PTPN4: variants seen among roughly 807,000 people sequenced by gnomAD.
The protein encoded by PTPN4 is tyrosine-protein phosphatase non-receptor type 4.
A neutral mutation model predicts 135.5 loss-of-function variants in PTPN4; 49 were observed. The observed-to-expected ratio is 0.36, with a 90% CI of 0.29 to 0.46. PTPN4 has a LOEUF of 0.46. Ranked by LOEUF, PTPN4 falls within the 20% of genes least tolerant of loss-of-function variation. The pLI is 1.00. For synonymous variants in PTPN4, 333 were observed against 369.9 expected (o/e 0.90, Z 1.14); for missense variants, 860 against 1,101.0 (o/e 0.78, Z 3.10).
intron 12 of PTPN4, among the ~76,000 whole-genome samples, chr2:119,925,199 G>C (rs1678804076): frequency 1.3e-5 from 2 of 152,060 alleles, no homozygotes; most frequent in African/African-American, 4.8e-5. Context: ...TATTAAAGCA[G>C]CTGCCAGCAG....
intron 1 of PTPN4, among the ~76,000 whole-genome samples, chr2:119,772,455 C>T (rs1378769680): frequency 6.6e-6 from 1 of 152,234 alleles, no homozygotes; most frequent in Non-Finnish European, 1.5e-5. Context: ...GGCAACCAAA[C>T]TTGACTTATA....
intron 3 of PTPN4, among the ~76,000 whole-genome samples, chr2:119,870,150 T>C (rs1373851213): frequency 6.6e-6 from 1 of 152,364 alleles, no homozygotes; most frequent in Admixed American, 6.5e-5. Context: ...AAAACTATTA[T>C]AACTGGTAAG....
chr2:119,977,085 C>G lies in PTPN4; in HGVS notation c.*15C>G. On this transcript the variant is annotated 3_prime_UTR_variant, in exon 27 of 27. Transcript: ENST00000263708. ...CAAATAAATAAGAAAGCAAAAAGAT[C>G]TGGGATATGTGTTGGAAAACTGCTT... The G allele has an allele frequency of 6.3e-7, 1 of 1,587,262 alleles. No homozygotes were observed. The highest frequency in any genetic ancestry group is 8.5e-7 in the Non-Finnish European group (1 of 1,171,690).
At position 119,882,570 on chromosome 2, in the gene PTPN4, TA is replaced by T; in HGVS notation, c.536del (p.Asn179IlefsTer18). ...GYLSDYSFIP[N>X]QPQDFEKEIA... is the part of the protein sequence containing the mutation. ...ACCTCTCAGATTATTCTTTCATTCC[TA>T]ATCAACCTCAAGATTTTGAAAAAGA... On this transcript the variant is annotated frameshift_variant, in exon 8 of 27. Transcript: ENST00000263708. LOFTEE classifies it high-confidence loss of function. The T allele has an allele frequency of 1.3e-6, 2 of 1,561,530 alleles. No homozygotes were observed. Among genetic ancestry groups the T allele is most frequent in the Admixed American group, 1.8e-5 (1 of 55,808 alleles).
intron 1 of PTPN4, among the ~76,000 whole-genome samples, chr2:119,807,693 G>C (rs571021048): frequency 6.6e-6 from 1 of 152,076 alleles, no homozygotes; most frequent in Non-Finnish European, 1.5e-5. Flanking sequence ...CCAATCAATA[G>C]AAAAAGAGAG....
rs565991679 is a variant in PTPN4 at position 119,912,656 on chromosome 2, C to T, written c.765-2523C>T. On this transcript the variant is annotated intron_variant, in intron 10 of 26. Coordinates refer to ENST00000263708, the MANE Select transcript of PTPN4 (RefSeq NM_002830.4). ...TAAATCCAAGTATGTTAATTATTAT[C>T]GAAACTGTAAATATGTTGGATATTC... Among the ~76,000 whole-genome samples the T allele has an allele frequency of 3.9e-5, 6 of 152,128 alleles. No individual in the cohort carries two copies. The South Asian group carries it at 8.3e-4, about 21-fold the overall frequency.
At chr2:119,769,109 C>T (rs1345676956) in intron 1 of PTPN4, among the ~76,000 whole-genome samples, 1 of 152,158 alleles carries the variant, frequency 6.6e-6, no homozygotes, top group African/African-American at 2.4e-5. Context: ...GGCACACTGA[C>T]AGAGCTCCTA....
At chr2:119,848,962 C>T (rs1393166819) in intron 2 of PTPN4, among the ~76,000 whole-genome samples, 1 of 152,106 alleles carries the variant, frequency 6.6e-6, no homozygotes, top group Non-Finnish European at 1.5e-5. Flanking sequence ...TTCAAGTTTG[C>T]TGATTATCTT....
Position 119,962,431 on chromosome 2 carries a change from G to A in PTPN4, c.2281-185G>A, listed in dbSNP as rs372304423. Reference sequence around the variant, plus strand: ...ATCGTGCTATTGCACTCTAGCCTGGGCAACAAGAGCAAAACTCCATCGCAA... The same window carrying A: ...ATCGTGCTATTGCACTCTAGCCTGGACAACAAGAGCAAAACTCCATCGCAA... On this transcript the variant is annotated intron_variant, in intron 23 of 26. Transcript: ENST00000263708. 1.1e-4 allele frequency among the ~76,000 whole-genome samples: 17 copies of A among 150,588 alleles called. No individual in the cohort carries two copies. The East Asian group carries it at 2.9e-3, about 26-fold the overall frequency.
At chr2:119,781,996 A>AT (rs1470152239) in intron 1 of PTPN4, among the ~76,000 whole-genome samples, 3 of 152,100 alleles carry the variant, frequency 2.0e-5, no homozygotes, top group Admixed American at 6.5e-5. Flanking sequence ...GGAGAAAGGA[A>AT]TTTTTTTTAA....
rs1182103102 is a variant in PTPN4, at chr2:119,876,940, T to TGTGTGTGC, written c.247-382_247-381insTGTGTGCG. On this transcript the variant is annotated intron_variant, in intron 3 of 26. Coordinates refer to ENST00000263708, the MANE Select transcript of PTPN4 (RefSeq NM_002830.4). ...GTGTGTGTGTGTGTGTGTGTGTGTGTGCGTGAAGGGTGAAGAGAATTTTGA... is the reference window on the plus strand; with the variant it reads ...GTGTGTGTGTGTGTGTGTGTGTGTGTGTGTGTGCGCGTGAAGGGTGAAGAGAATTTTGA... Among the ~76,000 whole-genome samples the TGTGTGTGC allele has an allele frequency of 2.1e-4, 31 of 148,478 alleles. 1 individual carries two copies. Among genetic ancestry groups the TGTGTGTGC allele is most frequent in the Admixed American group, 1.0e-3 (15 of 14,986 alleles).
At position 119,766,507 on chromosome 2, in the gene PTPN4, T is replaced by A. The variant is rs532219017; in HGVS notation, c.-18+6123T>A. ...GTCTGTGTGTGTGTGTGTGTGTGTG[T>A]GTGAAATATCTCTTTGGTGCCCTTG... On this transcript the variant is annotated intron_variant, in intron 1 of 26. Coordinates refer to ENST00000263708, the MANE Select transcript of PTPN4 (RefSeq NM_002830.4). 2.5e-3 allele frequency among the ~76,000 whole-genome samples: 376 copies of A among 149,472 alleles called. 1 individual carries two copies. Among genetic ancestry groups the A allele is most frequent in the African/African-American group, 9.2e-3 (367 of 40,054 alleles).
At chr2:119,764,208 T>C (rs920348584) in intron 1 of PTPN4, among the ~76,000 whole-genome samples, 9 of 152,196 alleles carry the variant, frequency 5.9e-5, no homozygotes, top group African/African-American at 2.2e-4. Flanking sequence ...CCTCCCCAAC[T>C]GTTCGGCAAA....
intron 1 of PTPN4, among the ~76,000 whole-genome samples, chr2:119,763,094 G>A (rs1180731636): frequency 6.6e-6 from 1 of 152,106 alleles, no homozygotes; most frequent in Admixed American, 6.5e-5. Flanking sequence ...AAGTACCATT[G>A]TCTAGGAACA....
At chr2:119,974,455 C>T (rs561272493) in intron 26 of PTPN4, among the ~76,000 whole-genome samples, 4 of 152,140 alleles carry the variant, frequency 2.6e-5, no homozygotes, top group Admixed American at 2.0e-4. Flanking sequence ...GTGATCCACC[C>T]GCCTCGACCT....
At chr2:119,844,518 GT>G (rs2104973627) in intron 2 of PTPN4, among the ~76,000 whole-genome samples, 1 of 142,382 alleles carries the variant, frequency 7.0e-6, no homozygotes, top group African/African-American at 2.7e-5. Context: ...CGGGCAGAGG[GT>G]CTCCTCACTT....
intron 12 of PTPN4, among the ~76,000 whole-genome samples, chr2:119,923,047 T>G (rs1678761921): frequency 6.6e-6 from 1 of 152,200 alleles, no homozygotes; most frequent in Admixed American, 6.5e-5. Context: ...TTTTCCTTGA[T>G]TAGTCTGCTA....
intron 13 of PTPN4, among the ~76,000 whole-genome samples, chr2:119,931,433 CTTTT>C (rs1158907026): frequency 1.3e-4 from 11 of 83,366 alleles, no homozygotes; most frequent in Non-Finnish European, 2.4e-4. Flanking sequence ...TTCTTTCTTT[CTTTT>C]TTTTTTTTTT....
chr2:119,957,916 G>A (rs965566618), intron 22 of PTPN4, among the ~76,000 whole-genome samples: 2 of 152,128 alleles, frequency 1.3e-5, no homozygotes, highest in African/African-American at 4.8e-5. Context: ...TTATTTGAAG[G>A]AAATATGTGA....
Sources: gnomAD v4.1 joint callset for allele counts (sites outside exome capture counted in the v4.1 genomes callset) on GRCh38, gnomAD v4.1.1 for gene constraint, MANE v1.5 for transcripts, NCBI Gene and HGNC (gene_info 2026-07-23, HGNC 2026-07-21) for gene names.